The following ABCA8 variants were observed in gnomAD, a reference collection of about 807,000 sequenced individuals.
ABCA8 encodes the protein ABC-type organic anion transporter ABCA8.
A neutral mutation model predicts 192.3 loss-of-function variants in ABCA8; 177 were observed. The ratio of observed to expected loss-of-function variants is 0.92; its 90% CI spans 0.81 to 1.04. The LOEUF (loss-of-function observed/expected upper bound fraction) is 1.04. ABCA8 is among the 50% of genes least tolerant of loss of function. The probability of loss-of-function intolerance (pLI) is 0.00; values close to 1 mark genes in which losing one functional copy is unlikely to be tolerated. For missense variants in ABCA8, 1,915 were observed against 1,904.8 expected, an observed-to-expected ratio of 1.01 and a Z score of -0.10; for synonymous variants, 642 against 690.2, an observed-to-expected ratio of 0.93 and a Z score of 1.09.
chr17:68,918,394 T>G, intron 15 of ABCA8, 33 bp downstream of exon 15: 1 of 1,548,600 alleles, frequency 6.5e-7, no homozygotes, highest in East Asian at 2.4e-5. Flanking sequence ...TTTTTTAAAC[T>G]TTGAATTCAC....
chr17:68,935,073 C>T (rs1434402475), intron 5 of ABCA8, among the ~76,000 whole-genome samples: 1 of 147,930 alleles, frequency 6.8e-6, no homozygotes, highest in Non-Finnish European at 1.5e-5. Context: ...CTGTTATAAA[C>T]ACTTTATCAC....
chr17:68,885,341 A>G (rs368567607), intron 26 of ABCA8, 26 bp from the exon 27 acceptor site: 2 of 1,583,158 alleles, frequency 1.3e-6, no homozygotes, highest in South Asian at 2.3e-5. Flanking sequence ...ATGAAGGTTA[A>G]TCACTCTGAA....
rs1192514878 is a variant in ABCA8, at chr17:68,876,312, T to A, written c.4370+148A>T. 3.6e-6 allele frequency: 3 copies of A among 841,212 alleles called. No homozygotes were observed. The African/African-American group carries it at 5.2e-5, about 14-fold the overall frequency. The allele number at this position is 841,212 out of a possible 1,614,324, so 52.1% of individuals were successfully genotyped here. ...TATCATCAGGGAAAGATCTTTTTTT[T>A]TTGCAAAGTATTGGTTTTACAAGTG... On this transcript the variant is annotated intron_variant, in intron 35 of 39. Transcript: ENST00000586539.
intron 19 of ABCA8, among the ~76,000 whole-genome samples, chr17:68,904,332 A>G (rs2067006632): frequency 9.7e-6 from 1 of 102,652 alleles, no homozygotes; most frequent in African/African-American, 3.6e-5. Flanking sequence ...AATAATAATA[A>G]TAATAATAAT....
At chr17:68,896,838 A>G (rs1402517452) in intron 21 of ABCA8, among the ~76,000 whole-genome samples, 1 of 152,256 alleles carries the variant, frequency 6.6e-6, no homozygotes, top group East Asian at 1.9e-4. Context: ...ATCTACTCTG[A>G]GAGCAAATCT....
chr17:68,878,511 G>C (rs1416571160), intron 32 of ABCA8: 1 of 152,166 alleles, frequency 6.6e-6, no homozygotes, highest in Non-Finnish European at 1.5e-5. Flanking sequence ...TTCACTGAAA[G>C]TATTTAATCA....
At chr17:68,894,852 T>C (rs1265250873) in intron 22 of ABCA8, 28 bp downstream of exon 22, 1 of 1,593,456 alleles carries the variant, frequency 6.3e-7, no homozygotes, top group African/African-American at 1.4e-5. Flanking sequence ...TTCACATTTT[T>C]CAGAAAGATT....
At chr17:68,872,407 A>T (rs1476061252) in intron 37 of ABCA8, among the ~76,000 whole-genome samples, 1 of 131,270 alleles carries the variant, frequency 7.6e-6, no homozygotes, top group Non-Finnish European at 1.6e-5. Context: ...GAAGGGGAAT[A>T]TCACACTCTG....
chr17:68,922,731 G>A (rs2067579908), intron 11 of ABCA8, among the ~76,000 whole-genome samples: 1 of 152,134 alleles, frequency 6.6e-6, no homozygotes, highest in African/African-American at 2.4e-5. Flanking sequence ...GTCTCCCAAG[G>A]TTCATTAAGA....
chr17:68,905,575 T>C (rs190246209), intron 19 of ABCA8, among the ~76,000 whole-genome samples: 104 of 151,708 alleles, frequency 6.9e-4, no homozygotes, highest in African/African-American at 2.2e-3. Flanking sequence ...ACCTTGAAAA[T>C]AGGTGGATAG....
chr17:68,948,898 C>A (rs189710289), intron 2 of ABCA8, among the ~76,000 whole-genome samples: 5 of 152,178 alleles, frequency 3.3e-5, no homozygotes, highest in African/African-American at 1.2e-4. Flanking sequence ...GTCTTTAAAA[C>A]ATTTTGAGTT....
intron 1 of ABCA8, among the ~76,000 whole-genome samples, chr17:68,953,173 C>T (rs2068616568): frequency 6.6e-6 from 1 of 152,196 alleles, no homozygotes; most frequent in South Asian, 2.1e-4. Flanking sequence ...CTGGAAGGTA[C>T]CATCATCAGT....
In ABCA8 at chr17:68,928,040, C is replaced by A; in HGVS notation, c.1149G>T (p.Leu383Phe). 6.3e-7 allele frequency: 1 copy of A among 1,594,810 alleles called. No homozygotes were observed. The highest frequency in any genetic ancestry group is 8.5e-7 in the Non-Finnish European group (1 of 1,173,248). ...ATGGATGAGGAAATGCATTAGAATT[C>A]AAATCATAGTCCAAGTGTAAAAGCT... Reference protein sequence around the residue: ...MAQLLHLDYDLNSNAFPHPSD... With the variant: ...MAQLLHLDYDFNSNAFPHPSD... The change falls in exon 10 of 40, where the codon TTG (leucine) becomes TTT (phenylalanine). Residue 383 changes from leucine (L) to phenylalanine (F), a missense_variant. Transcript: ENST00000586539.
intron 30 of ABCA8, 123 bp from the exon 31 acceptor site, chr17:68,882,103 T>C: frequency 3.8e-6 from 3 of 787,134 alleles, no homozygotes; most frequent in Non-Finnish European, 4.2e-6. Flanking sequence ...GAAGACCTTC[T>C]ATTTGGTGAC....
chr17:68,869,962 G>A (rs980423593), intron 37 of ABCA8, among the ~76,000 whole-genome samples, 183 bp from the exon 38 acceptor site: 1 of 152,000 alleles, frequency 6.6e-6, no homozygotes. Context: ...GAGTATGTAG[G>A]GTCCCCCAGT....
intron 10 of ABCA8, among the ~76,000 whole-genome samples, chr17:68,925,368 A>G (rs957529647): frequency 1.3e-5 from 2 of 152,222 alleles, no homozygotes; most frequent in African/African-American, 4.8e-5. Flanking sequence ...TTAACACAAA[A>G]TGAATACTTT....
At chr17:68,933,856 T>C (rs1417124101) in intron 5 of ABCA8, among the ~76,000 whole-genome samples, 1 of 151,996 alleles carries the variant, frequency 6.6e-6, no homozygotes. Flanking sequence ...AAATTGAGTA[T>C]AGGAATTAAA....
At chr17:68,946,000 G>T (rs565075891) in intron 2 of ABCA8, among the ~76,000 whole-genome samples, 1 of 151,156 alleles carries the variant, frequency 6.6e-6, no homozygotes, top group Admixed American at 6.6e-5. Flanking sequence ...AATTGTCTTG[G>T]CTCTTCTGGG....
rs775351005 is a variant in ABCA8 at position 68,924,700 on chromosome 17, CCTGATGGCTT to C, written c.1433_1442del (p.Ala479SerfsTer15). On this transcript the variant is annotated frameshift_variant and splice_region_variant, in exon 11 of 40. Transcript: ENST00000586539. LOFTEE classifies it high-confidence loss of function. The stretch of plus-strand genomic sequence containing the variant: ...CTGTTCTCCACCTGCAGCCTTATTA[CCTGATGGCTT>C]CTTTCCCTTGGAATTCTGGAGGCGC... 1 of 1,612,252 alleles carries C rather than the reference CCTGATGGCTT, an allele frequency of 6.2e-7. No homozygotes were observed. Among genetic ancestry groups the C allele is most frequent in the South Asian group, 1.1e-5 (1 of 90,824 alleles).
Sources: gnomAD v4.1 joint callset for allele counts (sites outside exome capture counted in the v4.1 genomes callset) on GRCh38, gnomAD v4.1.1 for gene constraint, MANE v1.5 for transcripts, NCBI Gene and HGNC (gene_info 2026-07-23, HGNC 2026-07-21) for gene names.